The following SULT4A1 variants were observed in gnomAD, a reference collection of about 807,000 sequenced individuals.
The protein encoded by SULT4A1 is sulfotransferase family 4A member 1.
SULT4A1 carries 11 observed loss-of-function variants against 35.2 expected under a neutral mutation model. The observed-to-expected ratio is 0.31, with a 90% CI of 0.20 to 0.52. The LOEUF is 0.52. SULT4A1 is among the 20% of genes least tolerant of loss of function. The pLI, the probability that SULT4A1 is intolerant of heterozygous loss-of-function variation, is 0.97. For missense variants in SULT4A1, 271 were observed against 383.7 expected, an observed-to-expected ratio of 0.71 and a Z score of 2.45; for synonymous variants, 152 against 151.8, an observed-to-expected ratio of 1.00 and a Z score of -0.01.
intron 1 of SULT4A1, among the ~76,000 whole-genome samples, chr22:43,844,511 G>C (rs899529745): frequency 6.6e-6 from 1 of 152,292 alleles, no homozygotes; most frequent in East Asian, 1.9e-4. Flanking sequence ...AGGACAAACA[G>C]CACATTTCGC....
intron 1 of SULT4A1, among the ~76,000 whole-genome samples, chr22:43,850,851 C>T (rs908276765): frequency 3.3e-5 from 5 of 151,788 alleles, no homozygotes; most frequent in Non-Finnish European, 5.9e-5. Flanking sequence ...TTCTCACTGC[C>T]GATGGTGCCG....
chr22:43,846,479 C>G (rs1053936802), intron 1 of SULT4A1, among the ~76,000 whole-genome samples: 10 of 152,192 alleles, frequency 6.6e-5, no homozygotes, highest in African/African-American at 1.9e-4. Flanking sequence ...GACCGACAAA[C>G]GCTGGTTGCT....
chr22:43,848,765 G>A (rs1278325292), intron 1 of SULT4A1, among the ~76,000 whole-genome samples: 1 of 152,218 alleles, frequency 6.6e-6, no homozygotes, highest in East Asian at 1.9e-4. Flanking sequence ...GGGGGCCTGG[G>A]AGGGCACCAA....
intron 4 of SULT4A1, among the ~76,000 whole-genome samples, 165 bp downstream of exon 4, chr22:43,838,702 C>A (rs964352039): frequency 1.3e-5 from 2 of 152,212 alleles, no homozygotes; most frequent in African/African-American, 4.8e-5. Flanking sequence ...GCCACGTTCA[C>A]GACCCTCGGC....
intron 1 of SULT4A1, among the ~76,000 whole-genome samples, chr22:43,851,145 G>C (rs2063507867): frequency 6.6e-6 from 1 of 152,014 alleles, no homozygotes; most frequent in Non-Finnish European, 1.5e-5. Flanking sequence ...TTCTCAGCCT[G>C]ACAACCCAAA....
At chr22:43,852,039 T>C (rs555689321) in intron 1 of SULT4A1, among the ~76,000 whole-genome samples, 3 of 152,168 alleles carry the variant, frequency 2.0e-5, no homozygotes, top group Non-Finnish European at 4.4e-5. Flanking sequence ...ATTGTCACTT[T>C]AGTGAGGTTT....
chr22:43,860,214 A>G (rs2049450029), intron 1 of SULT4A1, among the ~76,000 whole-genome samples: 2 of 152,186 alleles, frequency 1.3e-5, no homozygotes, highest in South Asian at 4.1e-4. Flanking sequence ...GTTCCCTGCC[A>G]TGGCAGGTGA....
chr22:43,851,007 A>G (rs2148300474), intron 1 of SULT4A1, among the ~76,000 whole-genome samples: 1 of 151,950 alleles, frequency 6.6e-6, no homozygotes, highest in South Asian at 2.1e-4. Flanking sequence ...ATCTAGCTTC[A>G]ATAATTTTCT....
chr22:43,837,679 C>T (rs970645056), intron 4 of SULT4A1, among the ~76,000 whole-genome samples: 3 of 152,292 alleles, frequency 2.0e-5, no homozygotes, highest in Admixed American at 1.3e-4. Context: ...CTTTGAGGCC[C>T]TCGTGGGTTT....
At chr22:43,857,121 G>GA (rs2148308134) in intron 1 of SULT4A1, among the ~76,000 whole-genome samples, 1 of 152,130 alleles carries the variant, frequency 6.6e-6, no homozygotes, top group East Asian at 1.9e-4. Flanking sequence ...ATGCTAGAGG[G>GA]AAAAAAACAT....
At chr22:43,842,398 G>T (rs2063440368) in intron 1 of SULT4A1, among the ~76,000 whole-genome samples, 1 of 152,204 alleles carries the variant, frequency 6.6e-6, no homozygotes, top group Non-Finnish European at 1.5e-5. Context: ...AGACACCCAA[G>T]GGAAGCCAGT....
At position 43,829,057 on chromosome 22, in the gene SULT4A1, T is replaced by C. The variant is rs1314638752; in HGVS notation, c.742+3A>G. ...TGGGCGGGAGGCAGGGTGGGGCACG[T>C]ACCCCGGCCCACGGGCAGGGCCTCA... On this transcript the variant is annotated splice_donor_region_variant and intron_variant, in intron 6 of 6. Transcript: ENST00000330884. 1.2e-5 allele frequency: 18 copies of C among 1,524,274 alleles called. No homozygotes were observed. The highest frequency in any genetic ancestry group is 2.8e-5 in the African/African-American group (2 of 72,142). The allele number at this position is 1,524,274 out of a possible 1,614,324, so 94.4% of individuals were successfully genotyped here.
chr22:43,842,940 A>G (rs2148292060), intron 1 of SULT4A1, among the ~76,000 whole-genome samples: 1 of 146,618 alleles, frequency 6.8e-6, no homozygotes, highest in East Asian at 2.0e-4. Flanking sequence ...ATATTGGACC[A>G]CTCCAGGCCT....
At chr22:43,827,127 C>T (rs1472724445) in intron 6 of SULT4A1, 10 of 985,338 alleles carry the variant, frequency 1.0e-5, no homozygotes, top group Non-Finnish European at 1.2e-5. Flanking sequence ...GCTGTGAGCA[C>T]ATCACCCGAG....
chr22:43,837,888 C>A (rs1173843382), intron 4 of SULT4A1, among the ~76,000 whole-genome samples: 1 of 152,228 alleles, frequency 6.6e-6, no homozygotes, highest in African/African-American at 2.4e-5. Context: ...CCCCGATAAG[C>A]CACACTGAAC....
chr22:43,830,723 T>C (rs2063319330), intron 5 of SULT4A1, among the ~76,000 whole-genome samples: 2 of 152,042 alleles, frequency 1.3e-5, no homozygotes, highest in African/African-American at 4.8e-5. Flanking sequence ...ATACCCGGGG[T>C]GCCTGGCACA....
At chr22:43,827,755 C>CCACGCA in intron 6 of SULT4A1, 2 of 326,794 alleles carry the variant, frequency 6.1e-6, no homozygotes, top group South Asian at 5.6e-5. Context: ...CGCTGCTTCA[C>CCACGCA]CACACACACA....
intron 1 of SULT4A1, among the ~76,000 whole-genome samples, chr22:43,848,010 C>T (rs2063487494): frequency 6.6e-6 from 1 of 152,164 alleles, no homozygotes; most frequent in African/African-American, 2.4e-5. Context: ...TCTTCTGCTG[C>T]TCTCCCCTCC....
chr22:43,830,510 C>T (rs926240687), intron 5 of SULT4A1, among the ~76,000 whole-genome samples: 10 of 152,214 alleles, frequency 6.6e-5, no homozygotes, highest in African/African-American at 2.2e-4. Flanking sequence ...CAGGAACGGC[C>T]CACTTCACCT....
Sources: gnomAD v4.1 joint callset for allele counts (sites outside exome capture counted in the v4.1 genomes callset) on GRCh38, gnomAD v4.1.1 for gene constraint, MANE v1.5 for transcripts, NCBI Gene and HGNC (gene_info 2026-07-23, HGNC 2026-07-21) for gene names.